DDX18: variants seen among roughly 807,000 people sequenced by gnomAD.
DDX18 encodes the protein ATP-dependent RNA helicase DDX18.
In DDX18, 23 loss-of-function variants were observed where a neutral mutation model predicts 73.5. The ratio of observed to expected loss-of-function variants is 0.31; its 90% CI spans 0.23 to 0.44. The LOEUF (loss-of-function observed/expected upper bound fraction) is 0.44, where lower values mean the gene tolerates loss of function less well. DDX18 is among the 20% of genes least tolerant of loss of function. DDX18 has a pLI of 1.00. For missense variants in DDX18, 753 were observed against 792.9 expected, an observed-to-expected ratio of 0.95 and a Z score of 0.60; for synonymous variants, 268 against 282.7, an observed-to-expected ratio of 0.95 and a Z score of 0.52.
In DDX18 at chr2:117,821,945, G is replaced by A. The variant is rs767240769; in HGVS notation, c.835G>A (p.Val279Met). ...TCTTAAGGAGCTGATGACTCACCAC[G>A]TGCATACCTATGGCTTGATAATGGG... ...GVLKELMTHH[V>M]HTYGLIMGGS... is the part of the protein sequence containing the mutation. The change falls in exon 6 of 14, where the codon GTG becomes ATG. Residue 279 changes from valine (V) to methionine (M), a missense_variant. Physicochemically the swap from Val to Met is conservative, Grantham distance 21 (BLOSUM62 1). Around this residue, in one of 3 missense-constraint regions of DDX18, gnomAD observed 345 missense variants for 352.0 expected, o/e 0.98. Coordinates refer to ENST00000263239, the MANE Select transcript of DDX18 (RefSeq NM_006773.4). 5.6e-6 allele frequency: 9 copies of A among 1,613,908 alleles called. No homozygotes were observed. Among genetic ancestry groups the A allele is most frequent in the South Asian group, 2.2e-5 (2 of 91,084 alleles).
intron 11 of DDX18, chr2:117,827,321 A>C (rs1372259745): frequency 6.6e-6 from 1 of 151,636 alleles, no homozygotes; most frequent in Non-Finnish European, 1.5e-5. Flanking sequence ...TCAGGTTGAC[A>C]TTTCTTTCTT....
At chr2:117,824,431 C>T in intron 7 of DDX18, 138 bp from the exon 8 acceptor site, 1 of 834,174 alleles carries the variant, frequency 1.2e-6, no homozygotes, top group Non-Finnish European at 1.6e-6. Context: ...CCCTTTTTAC[C>T]TTTTGTAATA....
intron 7 of DDX18, 35 bp downstream of exon 7, chr2:117,822,296 T>C: frequency 6.6e-7 from 1 of 1,522,998 alleles, no homozygotes; most frequent in Non-Finnish European, 9.1e-7. Context: ...GTTTGCAAAG[T>C]ATCTGTTGGA....
chr2:117,824,471 C>T (rs755388572), intron 7 of DDX18, 98 bp from the exon 8 acceptor site: 6 of 1,101,296 alleles, frequency 5.4e-6, no homozygotes, highest in Non-Finnish European at 7.2e-6. Context: ...CATCATATCT[C>T]CCATTTCTGA....
chr2:117,825,182 C>G (rs1428626168), intron 9 of DDX18, 81 bp downstream of exon 9: 6 of 1,491,828 alleles, frequency 4.0e-6, no homozygotes, highest in African/African-American at 2.8e-5. Context: ...GTATTGCCCT[C>G]TCCTGGAAAC....
Position 117,825,493 on chromosome 2 carries a change from G to A in DDX18, c.1415G>A (p.Cys472Tyr). The A allele has an allele frequency of 6.2e-7, 1 of 1,614,116 alleles. No individual in the cohort carries two copies. The highest frequency in any genetic ancestry group is 8.5e-7 in the Non-Finnish European group (1 of 1,179,996). Residue 472 changes from cysteine (C) to tyrosine (Y), a missense_variant, in exon 10 of 14, where the codon TGC (cysteine) becomes TAC (tyrosine). By Grantham distance (194) the Cys-to-Tyr change is radical (BLOSUM62 -2). Around this residue, in one of 3 missense-constraint regions of DDX18, gnomAD observed 402 missense variants for 419.4 expected, o/e 0.96. Coordinates refer to ENST00000263239, the MANE Select transcript of DDX18 (RefSeq NM_006773.4). Reference protein sequence around the residue: ...NKRTTTFFQFCNADSGTLLCT... With the variant: ...NKRTTTFFQFYNADSGTLLCT... ...CGTACAACCACATTCTTCCAGTTCT[G>A]CAATGCAGATTCGGGAACACTATTG... is the stretch of plus-strand genomic sequence containing the variant.
chr2:117,826,455 C>G (rs1201470366), intron 11 of DDX18, 73 bp downstream of exon 11: 1 of 1,412,650 alleles, frequency 7.1e-7, no homozygotes, highest in Non-Finnish European at 9.9e-7. Flanking sequence ...CTACATGTGT[C>G]AGAGGAGTCT....
In DDX18 at chr2:117,825,516, T is replaced by C. The variant is rs540840935; in HGVS notation, c.1438T>C (p.Leu480=). ...CTGCAATGCAGATTCGGGAACACTA[T>C]TGTGTACGGATGTGGCAGCGAGAGG... ...QFCNADSGTL[L]CTDVAARGLD... The change falls in exon 10 of 14, where the codon TTG becomes CTG. Residue 480 remains leucine (L), a synonymous_variant. Coordinates refer to ENST00000263239, the MANE Select transcript of DDX18 (RefSeq NM_006773.4). The C allele has an allele frequency of 1.9e-6, 3 of 1,614,156 alleles. No individual in the cohort carries two copies. Among genetic ancestry groups the C allele is most frequent in the Non-Finnish European group, 2.5e-6 (3 of 1,180,012 alleles).
intron 2 of DDX18, among the ~76,000 whole-genome samples, chr2:117,818,187 G>A (rs1352422286): frequency 6.6e-6 from 1 of 152,190 alleles, no homozygotes; most frequent in East Asian, 1.9e-4. Context: ...TTTTGAAGAT[G>A]ATGGAATTTC....
In DDX18 at chr2:117,831,985, T is replaced by C. The variant is rs1271673269; in HGVS notation, c.*1261T>C. 1.3e-5 allele frequency: 2 copies of C among 152,194 alleles called. No homozygotes were observed. Among genetic ancestry groups the C allele is most frequent in the Non-Finnish European group, 2.9e-5 (2 of 68,034 alleles). The allele number at this position is 152,194 out of a possible 1,614,324, so 9.4% of individuals were successfully genotyped here. A position where few individuals can be genotyped will look rare whatever the true frequency, so the allele number is the denominator to read the frequency against. On this transcript the variant is annotated 3_prime_UTR_variant, in exon 14 of 14. Transcript: ENST00000263239. ...AGAAAACTGGTAAAGAACATTCCAG[T>C]AGGAAAAGAAAAGAACAATCTTCCA...
At chr2:117,825,354 C>T (rs1679907566) in intron 9 of DDX18, 93 bp from the exon 10 acceptor site, 7 of 729,990 alleles carry the variant, frequency 9.6e-6, no homozygotes, top group Non-Finnish European at 1.2e-5. Context: ...AAGGGATGAG[C>T]TCGAAATAGG....
intron 11 of DDX18, 42 bp downstream of exon 11, chr2:117,826,424 G>A (rs778352210): frequency 6.4e-7 from 1 of 1,569,184 alleles, no homozygotes; most frequent in East Asian, 2.3e-5. Context: ...TTGGTGTAGG[G>A]ATTGTTAGCA....
Position 117,832,297 on chromosome 2 carries a change from A to G in DDX18, c.*1573A>G, listed in dbSNP as rs1485682146. ...TTTTTAATTTTTTTATCAAAAATTA[A>G]GTCATCTACCTACTACTTGTAACCA... On this transcript the variant is annotated 3_prime_UTR_variant, in exon 14 of 14. Coordinates refer to ENST00000263239, the MANE Select transcript of DDX18 (RefSeq NM_006773.4). 2 of 152,244 alleles carry G rather than the reference A, an allele frequency of 1.3e-5. No homozygotes were observed. Among genetic ancestry groups the G allele is most frequent in the African/African-American group, 2.4e-5 (1 of 41,464 alleles). The allele number at this position is 152,244 out of a possible 1,614,324, so 9.4% of individuals were successfully genotyped here.
rs558923684 is a variant in DDX18 at position 117,820,784 on chromosome 2, T to G, written c.515-377T>G. Among the ~76,000 whole-genome samples, 3 of 152,312 alleles carry G rather than the reference T, an allele frequency of 2.0e-5. No individual in the cohort carries two copies. The East Asian group carries it at 5.8e-4, about 29-fold the overall frequency. On this transcript the variant is annotated intron_variant, in intron 3 of 13. Coordinates refer to ENST00000263239, the MANE Select transcript of DDX18 (RefSeq NM_006773.4). ...AACAGGTTTTTTTTTTATTATTGAC[T>G]TCACACTCAGTTTTTATTAATGCTC...
At chr2:117,815,977 GTACTA>G (rs1465425333) in intron 1 of DDX18, among the ~76,000 whole-genome samples, 1 of 152,154 alleles carries the variant, frequency 6.6e-6, no homozygotes, top group East Asian at 1.9e-4. Flanking sequence ...GCATGTTACT[GTACTA>G]TACTCAGAGA....
intron 7 of DDX18, chr2:117,822,479 C>T: frequency 2.2e-6 from 1 of 447,060 alleles, no homozygotes; most frequent in Non-Finnish European, 4.1e-6. Context: ...GCACGTTAAG[C>T]AGTCTTCACA....
At chr2:117,829,983 TC>T (rs1176794998) in intron 13 of DDX18, among the ~76,000 whole-genome samples, 1 of 152,200 alleles carries the variant, frequency 6.6e-6, no homozygotes, top group African/African-American at 2.4e-5. Context: ...CAGGAGTACT[TC>T]CAGTTGCTTC....
Position 117,824,715 on chromosome 2 carries a change from T to A in DDX18, c.1206+7T>A, listed in dbSNP as rs191395377. ...AGTGGATGGTCTTGAACAGGTACTTTTTATCAATAACTGAAAACTGTAGGG... is the reference window on the plus strand; with the variant it reads ...AGTGGATGGTCTTGAACAGGTACTTATTATCAATAACTGAAAACTGTAGGG... On this transcript the variant is annotated splice_region_variant and intron_variant, in intron 8 of 13. Coordinates refer to ENST00000263239, the MANE Select transcript of DDX18 (RefSeq NM_006773.4). 5 of 1,471,224 alleles carry A rather than the reference T, an allele frequency of 3.4e-6. No homozygotes were observed. In the Admixed American group the frequency reaches 1.3e-4, roughly 38 times the overall value. 91.1% of individuals were successfully genotyped at this position (1,471,224 alleles called of 1,614,324 possible).
chr2:117,830,586 C>T lies in DDX18; in HGVS notation c.1875C>T (p.Val625=). 1 of 1,613,016 alleles carries T rather than the reference C, an allele frequency of 6.2e-7. No homozygotes were observed. Among genetic ancestry groups the T allele is most frequent in the South Asian group, 1.1e-5 (1 of 90,836 alleles). The change falls in exon 14 of 14, where the codon GTC becomes GTT. Residue 625 remains valine (V), a synonymous_variant. Transcript: ENST00000263239. ...FKVPPFVDLN[V]NSNEGKQKKR... ...TTCCTTAATGTTTGCCTCCAGACGT[C>T]AACAGTAATGAAGGCAAGCAGAAAA...
Sources: gnomAD v4.1 joint callset for allele counts (sites outside exome capture counted in the v4.1 genomes callset) on GRCh38, gnomAD v4.1.1 for gene constraint, gnomAD v4.1.1 regional missense constraint, MANE v1.5 for transcripts, NCBI Gene and HGNC (gene_info 2026-07-23, HGNC 2026-07-21) for gene names.